SLF1: variants seen among roughly 807,000 people sequenced by gnomAD.
SLF1 encodes SMC5-SMC6 complex localization factor protein 1.
Under a neutral mutation model 123.0 loss-of-function variants are expected in SLF1, and 105 were observed. That is an observed-to-expected ratio of 0.85 (90% CI 0.73 to 1.00). The LOEUF is 1.00. Among genes scored for constraint, SLF1 ranks in the 50% least tolerant of loss-of-function variants. The probability of loss-of-function intolerance (pLI) is 0.00; values close to 1 mark genes in which losing one functional copy is unlikely to be tolerated. For synonymous variants in SLF1, 434 were observed against 406.6 expected (o/e 1.07, Z -0.81); for missense variants, 1,239 against 1,223.0 (o/e 1.01, Z -0.20).
At chr5:94,687,250 A>G (rs73144177) in intron 16 of SLF1, among the ~76,000 whole-genome samples, 11,203 of 152,138 alleles carry the variant, frequency 0.074, 460 homozygotes, top group South Asian at 0.12. Context: ...AGTTCCAGCT[A>G]CTCAGGAGAC....
Position 94,630,604 on chromosome 5 carries a change from T to A in SLF1, c.292T>A (p.Ser98Thr), listed in dbSNP as rs1325586980. The A allele has an allele frequency of 1.9e-6, 3 of 1,551,512 alleles. No individual in the cohort carries two copies. The highest frequency in any genetic ancestry group is 2.6e-6 in the Non-Finnish European group (3 of 1,146,986). ...ATGGGGATATAAAATTGAAAAAGAT[T>A]CCCGTTATTCACCTCAAATGCAATC... ...YEWGYKIEKDSRYSPQMQSAP... is the reference protein window; with the variant it reads ...YEWGYKIEKDTRYSPQMQSAP... The change falls in exon 4 of 21, where the codon TCC becomes ACC. Residue 98 changes from serine (S) to threonine (T), a missense_variant. Coordinates refer to ENST00000265140, the MANE Select transcript of SLF1 (RefSeq NM_032290.4).
intron 1 of SLF1, among the ~76,000 whole-genome samples, chr5:94,627,093 G>A (rs1792317093): frequency 6.6e-6 from 1 of 152,118 alleles, no homozygotes; most frequent in South Asian, 2.1e-4. Context: ...TAGACTCTCT[G>A]TGAAGAACAT....
At chr5:94,650,540 T>G (rs1330461698) in intron 6 of SLF1, among the ~76,000 whole-genome samples, 8 of 152,100 alleles carry the variant, frequency 5.3e-5, no homozygotes, top group Admixed American at 2.6e-4. Context: ...TTTTTTGTAT[T>G]TTCTTAGTAG....
chr5:94,690,733 T>G (rs953092422), intron 18 of SLF1, among the ~76,000 whole-genome samples: 1 of 151,836 alleles, frequency 6.6e-6, no homozygotes, highest in African/African-American at 2.4e-5. Context: ...TCATTTATAG[T>G]AATTTTTTTA....
rs765597702 is a variant in SLF1, at chr5:94,689,544, G to A, written c.2357G>A (p.Cys786Tyr). 1.2e-6 allele frequency: 2 copies of A among 1,611,820 alleles called. No individual in the cohort carries two copies. Among genetic ancestry groups the A allele is most frequent in the Non-Finnish European group, 1.7e-6 (2 of 1,178,260 alleles). Reference sequence around the variant, plus strand: ...AAGAAGTCAGAAGGAGAATTGTCATGTTCCAAGGAGAATTGCCCCTCTGTA... The same window carrying A: ...AAGAAGTCAGAAGGAGAATTGTCATATTCCAAGGAGAATTGCCCCTCTGTA... Reference protein sequence around the residue: ...LKKKSEGELSCSKENCPSVVK... With the variant: ...LKKKSEGELSYSKENCPSVVK... The change falls in exon 18 of 21, where the codon TGT becomes TAT. Residue 786 changes from cysteine to tyrosine, a missense_variant. Transcript: ENST00000265140.
chr5:94,671,346 AG>A lies in SLF1; in HGVS notation c.1827+342del, dbSNP rs1430775330. ...AATGAGTCAATCCATACAATTTTTG[AG>A]GGGTACTACTAATAAATATTAATAT... is the stretch of plus-strand genomic sequence containing the variant. On this transcript the variant is annotated intron_variant, in intron 14 of 20. Coordinates refer to ENST00000265140, the MANE Select transcript of SLF1 (RefSeq NM_032290.4). Among the ~76,000 whole-genome samples the A allele has an allele frequency of 2.0e-5, 3 of 151,682 alleles. No individual in the cohort carries two copies. The East Asian group carries it at 5.8e-4, about 29-fold the overall frequency.
At chr5:94,623,003 A>C (rs1252157435) in intron 1 of SLF1, among the ~76,000 whole-genome samples, 1 of 152,040 alleles carries the variant, frequency 6.6e-6, no homozygotes, top group Non-Finnish European at 1.5e-5. Flanking sequence ...TTTTGTATTC[A>C]TATCTGTATT....
chr5:94,620,551 G>A lies in SLF1; in HGVS notation c.-1+1786G>A, dbSNP rs536609238. Among the ~76,000 whole-genome samples the A allele has an allele frequency of 1.2e-4, 18 of 152,190 alleles. No individual in the cohort carries two copies. The South Asian group carries it at 3.7e-3, about 32-fold the overall frequency. On this transcript the variant is annotated intron_variant, in intron 1 of 20. Coordinates refer to ENST00000265140, the MANE Select transcript of SLF1 (RefSeq NM_032290.4). The stretch of plus-strand genomic sequence containing the variant: ...TTTATTAGTACTTTCCTTATTATAT[G>A]TATCTTGATTATATTACCCTAAAGT...
In SLF1 at chr5:94,679,594, T is replaced by TA. The variant is rs575562847; in HGVS notation, c.1975+650dup. ...GTGACAGAGCAAGACCCTGTCTCTT[T>TA]AAAAAAAAAAACAAACAAAAAAAAC... is the stretch of plus-strand genomic sequence containing the variant. On this transcript the variant is annotated intron_variant, in intron 15 of 20. Coordinates refer to ENST00000265140, the MANE Select transcript of SLF1 (RefSeq NM_032290.4). Among the ~76,000 whole-genome samples, 470 of 146,162 alleles carry TA rather than the reference T, an allele frequency of 3.2e-3. 2 individuals are homozygous for TA. The highest frequency in any genetic ancestry group is 8.7e-3 in the African/African-American group (349 of 40,046).
chr5:94,671,955 G>T (rs1750512016), intron 14 of SLF1, among the ~76,000 whole-genome samples: 1 of 151,990 alleles, frequency 6.6e-6, no homozygotes, highest in African/African-American at 2.4e-5. Flanking sequence ...TATAGTGAAA[G>T]AATGCACCTT....
At chr5:94,686,159 A>G (rs919603948) in intron 15 of SLF1, among the ~76,000 whole-genome samples, 2 of 152,196 alleles carry the variant, frequency 1.3e-5, no homozygotes, top group African/African-American at 4.8e-5. Flanking sequence ...GATCATTGCA[A>G]ATTAAATACT....
chr5:94,670,892 A>G lies in SLF1; in HGVS notation c.1711A>G (p.Met571Val), dbSNP rs571481247. 183 of 1,550,240 alleles carry G rather than the reference A, an allele frequency of 1.2e-4. No individual in the cohort carries two copies. In the African/African-American group the frequency reaches 2.2e-3, roughly 19 times the overall value. ...SQNLKITGKA[M>V]LLEIFWSGSE... Reference sequence around the variant, plus strand: ...GAATCTGAAAATAACAGGAAAGGCAATGCTTCTTGAAATTTTTTGGTCAGG... The same window carrying G: ...GAATCTGAAAATAACAGGAAAGGCAGTGCTTCTTGAAATTTTTTGGTCAGG... Residue 571 changes from methionine to valine, a missense_variant, in exon 14 of 21, where the codon ATG (methionine) becomes GTG (valine). Transcript: ENST00000265140.
At chr5:94,664,004 T>C in intron 11 of SLF1, 96 bp downstream of exon 11, 1 of 1,256,974 alleles carries the variant, frequency 8.0e-7, no homozygotes. Flanking sequence ...TTATTTTCCC[T>C]GTTCAGTGTT....
chr5:94,689,199 T>C (rs745479454), intron 17 of SLF1, among the ~76,000 whole-genome samples: 3 of 152,182 alleles, frequency 2.0e-5, no homozygotes, highest in African/African-American at 4.8e-5. Context: ...CTCTGCCAAA[T>C]ATGGTTTAAC....
rs913981257 is a variant in SLF1, at chr5:94,618,698, G to A, written c.-68G>A. 3 of 154,808 alleles carry A rather than the reference G, an allele frequency of 1.9e-5. No individual in the cohort carries two copies. Among genetic ancestry groups the A allele is most frequent in the Non-Finnish European group, 4.4e-5 (3 of 68,268 alleles). 9.6% of individuals were successfully genotyped at this position (154,808 alleles called of 1,614,324 possible). A position where few individuals can be genotyped will look rare whatever the true frequency, so the allele number is the denominator to read the frequency against. On this transcript the variant is annotated 5_prime_UTR_variant, in exon 1 of 21. It adds an upstream start codon to the 5' untranslated region. Transcript: ENST00000265140. ...GAGCCCGGATTCGTGAAGCAGTTGA[G>A]TGCTGCAGCGGCAGTCGTCGCCCCT... is the stretch of plus-strand genomic sequence containing the variant.
In SLF1 at chr5:94,663,810, CA is replaced by C; in HGVS notation, c.1271del (p.His424LeufsTer28). 6.4e-7 allele frequency: 1 copy of C among 1,550,512 alleles called. No homozygotes were observed. Among genetic ancestry groups the C allele is most frequent in the Non-Finnish European group, 8.7e-7 (1 of 1,146,448 alleles). On this transcript the variant is annotated frameshift_variant, in exon 11 of 21. Coordinates refer to ENST00000265140, the MANE Select transcript of SLF1 (RefSeq NM_032290.4). LOFTEE classifies it high-confidence loss of function. The stretch of plus-strand genomic sequence containing the variant: ...TTTAATTGAAAGCCTCATAGAAGGA[CA>C]TTTTTTTAAAGAAGCAATTGAGGAA... ...LNLIESLIEG[H>X]FFKEAIEELS...
chr5:94,620,572 A>C (rs1791687278), intron 1 of SLF1, among the ~76,000 whole-genome samples: 1 of 152,200 alleles, frequency 6.6e-6, no homozygotes, highest in African/African-American at 2.4e-5. Context: ...ATATTACCCT[A>C]AAGTAGGGTT....
intron 3 of SLF1, among the ~76,000 whole-genome samples, 197 bp from the exon 4 acceptor site, chr5:94,630,306 T>G (rs971898446): frequency 1.3e-5 from 2 of 152,246 alleles, no homozygotes; most frequent in African/African-American, 4.8e-5. Flanking sequence ...TGGAAAAGAT[T>G]ACATACAATG....
intron 13 of SLF1, 73 bp downstream of exon 13, chr5:94,670,352 T>G: frequency 9.1e-7 from 1 of 1,104,134 alleles, no homozygotes; most frequent in Non-Finnish European, 1.2e-6. Flanking sequence ...TTTTTACAAT[T>G]ATTATAAATA....
Sources: allele counts gnomAD v4.1 joint callset (sites outside exome capture counted in the v4.1 genomes callset), GRCh38; gene constraint gnomAD v4.1.1; transcripts MANE v1.5; gene names NCBI Gene and HGNC (gene_info 2026-07-23, HGNC 2026-07-21).